TCF24: variants seen among roughly 807,000 people sequenced by gnomAD.
TCF24 encodes transcription factor 24.
In TCF24, 5 loss-of-function variants were observed where a neutral mutation model predicts 9.3. The observed-to-expected ratio is 0.54, with a 90% CI of 0.28 to 1.13. The LOEUF is 1.13. Ranked by LOEUF, TCF24 falls within the 50% of genes most tolerant of loss-of-function variation. The pLI is 0.09. For missense variants in TCF24, 220 were observed against 236.1 expected (o/e 0.93, Z 0.45); for synonymous variants, 110 against 115.8 (o/e 0.95, Z 0.32).
intron 3 of TCF24, among the ~76,000 whole-genome samples, chr8:66,953,329 G>C (rs987260563): frequency 3.3e-5 from 5 of 150,258 alleles, no homozygotes; most frequent in African/African-American, 1.2e-4. Context: ...TGTCTGTAAA[G>C]TATTTTATTT....
chr8:66,947,869 G>C lies in TCF24; in HGVS notation c.*182C>G. 1 of 491,066 alleles carries C rather than the reference G, an allele frequency of 2.0e-6. No individual in the cohort carries two copies. Among genetic ancestry groups the C allele is most frequent in the Non-Finnish European group, 3.6e-6 (1 of 279,446 alleles). The allele number at this position is 491,066 out of a possible 1,614,324, so 30.4% of individuals were successfully genotyped here. ...CTCTCACACTGAACAGATAAGCTGT[G>C]TGTTTTATATAACACTGATTATTTC... On this transcript the variant is annotated 3_prime_UTR_variant, in exon 4 of 4. Transcript: ENST00000563496.
At chr8:66,952,649 T>C (rs1814077591) in intron 3 of TCF24, among the ~76,000 whole-genome samples, 1 of 148,782 alleles carries the variant, frequency 6.7e-6, no homozygotes, top group African/African-American at 2.5e-5. Context: ...CTGGGTATCC[T>C]TGTTGACTTT....
At position 66,951,271 on chromosome 8, in the gene TCF24, G is replaced by T. The variant is rs547977955; in HGVS notation, c.391-3107C>A. On this transcript the variant is annotated intron_variant, in intron 3 of 3. Coordinates refer to ENST00000563496, the MANE Select transcript of TCF24 (RefSeq NM_001193502.2). ...ATTATTTTGAAATATGTCCCATCAA[G>T]ACCTAATTTATTGAGAGTTTTTAGC... Among the ~76,000 whole-genome samples the T allele has an allele frequency of 6.7e-3, 985 of 146,892 alleles. 5 individuals carry two copies. The highest frequency in any genetic ancestry group is 0.023 in the African/African-American group (907 of 38,684).
chr8:66,953,419 T>C (rs1438269799), intron 3 of TCF24, among the ~76,000 whole-genome samples: 1 of 152,146 alleles, frequency 6.6e-6, no homozygotes, highest in Non-Finnish European at 1.5e-5. Flanking sequence ...TGTTGAATAT[T>C]GGCCCCCACT....
At chr8:66,955,452 C>G (rs1443152125) in intron 3 of TCF24, among the ~76,000 whole-genome samples, 1 of 151,984 alleles carries the variant, frequency 6.6e-6, no homozygotes, top group African/African-American at 2.4e-5. Context: ...CAAGTGCTGC[C>G]TTATGTAAGC....
intron 3 of TCF24, among the ~76,000 whole-genome samples, chr8:66,953,733 C>A (rs1814095345): frequency 6.6e-6 from 1 of 152,088 alleles, no homozygotes; most frequent in African/African-American, 2.4e-5. Context: ...TCAGGTACAC[C>A]AATCAGACAT....
At chr8:66,948,302 T>G (rs1813994416) in intron 3 of TCF24, 138 bp from the exon 4 acceptor site, 1 of 555,966 alleles carries the variant, frequency 1.8e-6, no homozygotes, top group Non-Finnish European at 2.8e-6. Flanking sequence ...AAGTATGAAG[T>G]ATAAGAAACA....
chr8:66,960,418 TTGTG>T (rs147053540), intron 3 of TCF24, among the ~76,000 whole-genome samples: 2 of 149,552 alleles, frequency 1.3e-5, no homozygotes, highest in African/African-American at 4.9e-5. Flanking sequence ...AACTTTGCAT[TTGTG>T]TGTGTGTGTG....
chr8:66,958,606 A>G (rs1381458896), intron 3 of TCF24, among the ~76,000 whole-genome samples: 1 of 152,198 alleles, frequency 6.6e-6, no homozygotes, highest in Non-Finnish European at 1.5e-5. Flanking sequence ...GGTTGCAGTG[A>G]GCTGAGATCG....
intron 3 of TCF24, among the ~76,000 whole-genome samples, chr8:66,949,713 G>A (rs2130897057): frequency 6.6e-6 from 1 of 152,120 alleles, no homozygotes; most frequent in African/African-American, 2.4e-5. Context: ...CTAGTTTACA[G>A]TCCCACCAAC....
intron 3 of TCF24, among the ~76,000 whole-genome samples, chr8:66,956,926 C>CG (rs1563407329): frequency 6.6e-6 from 1 of 151,498 alleles, no homozygotes; most frequent in African/African-American, 2.4e-5. Context: ...AGAATCGGGC[C>CG]GGGGGCAGTG....
intron 3 of TCF24, among the ~76,000 whole-genome samples, chr8:66,961,023 G>T (rs1024461471): frequency 6.6e-6 from 1 of 152,178 alleles, no homozygotes; most frequent in African/African-American, 2.4e-5. Context: ...CTCTCAGAGG[G>T]TCATACATAT....
intron 3 of TCF24, among the ~76,000 whole-genome samples, chr8:66,957,630 T>C (rs1430385026): frequency 2.0e-5 from 3 of 152,072 alleles, no homozygotes; most frequent in Non-Finnish European, 4.4e-5. Context: ...TATTTTGTTA[T>C]GGCAGACTAA....
At chr8:66,954,080 CCTT>C (rs1329858788) in intron 3 of TCF24, among the ~76,000 whole-genome samples, 3 of 152,204 alleles carry the variant, frequency 2.0e-5, no homozygotes, top group Non-Finnish European at 4.4e-5. Context: ...TCGTCTGAAG[CCTT>C]CTTCTCTCAG....
chr8:66,961,855 C>A, intron 2 of TCF24, 22 bp downstream of exon 2: 1 of 988,690 alleles, frequency 1.0e-6, no homozygotes, highest in Non-Finnish European at 1.2e-6. Flanking sequence ...GCGCAGCCCC[C>A]TGGTTCTCCC....
chr8:66,957,895 TAAAAAAA>T (rs11299517), intron 3 of TCF24, among the ~76,000 whole-genome samples: 21 of 43,064 alleles, frequency 4.9e-4, no homozygotes, highest in South Asian at 2.2e-3. Flanking sequence ...TAAGAATTGC[TAAAAAAA>T]AAAAAAAAAA....
rs1302956160 is a variant in TCF24 at position 66,961,555 on chromosome 8, C to G, written c.211G>C (p.Glu71Gln). Residue 71 changes from glutamate (E) to glutamine (Q), a missense_variant, in exon 3 of 4, where the codon GAG becomes CAG. By Grantham distance (29) the Glu-to-Gln change is conservative (BLOSUM62 2). Coordinates refer to ENST00000563496, the MANE Select transcript of TCF24 (RefSeq NM_001193502.2). Reference protein sequence around the residue: ...RVQTLRHAFLELQRTLPSVPP... With the variant: ...RVQTLRHAFLQLQRTLPSVPP... ...ACGGACGGCAGCGTGCGCTGCAGCT[C>G]CAGGAAAGCGTGCCGCAGGGTCTGC... is the stretch of plus-strand genomic sequence containing the variant. 1 of 1,499,494 alleles carries G rather than the reference C, an allele frequency of 6.7e-7. No homozygotes were observed. Among genetic ancestry groups the G allele is most frequent in the South Asian group, 1.2e-5 (1 of 80,424 alleles). The allele number at this position is 1,499,494 out of a possible 1,614,324, so 92.9% of individuals were successfully genotyped here.
At chr8:66,954,072 G>A (rs888924686) in intron 3 of TCF24, among the ~76,000 whole-genome samples, 10 of 152,094 alleles carry the variant, frequency 6.6e-5, no homozygotes, top group Non-Finnish European at 5.9e-5. Flanking sequence ...TAATTTGATC[G>A]TCTGAAGCCT....
intron 3 of TCF24, among the ~76,000 whole-genome samples, chr8:66,959,626 G>A (rs1814222380): frequency 6.6e-6 from 1 of 152,186 alleles, no homozygotes; most frequent in Admixed American, 6.5e-5. Flanking sequence ...ATATAGGAAA[G>A]GGACTGAGTC....
Sources: gnomAD v4.1 joint callset for allele counts (sites outside exome capture counted in the v4.1 genomes callset) on GRCh38, gnomAD v4.1.1 for gene constraint, MANE v1.5 for transcripts, NCBI Gene and HGNC (gene_info 2026-07-23, HGNC 2026-07-21) for gene names.